COQ7: variants seen among roughly 807,000 people sequenced by gnomAD.
COQ7 encodes the protein coenzyme Q7, hydroxylase, also known as NADPH-dependent 3-demethoxyubiquinone 3-hydroxylase, mitochondrial.
A neutral mutation model predicts 25.0 loss-of-function variants in COQ7; 21 were observed. That is an observed-to-expected ratio of 0.84 (90% CI 0.60 to 1.21). The LOEUF (loss-of-function observed/expected upper bound fraction) is 1.21. COQ7 is among the 50% of genes most tolerant of loss of function. The probability of loss-of-function intolerance (pLI) is 0.00; values close to 1 mark genes in which losing one functional copy is unlikely to be tolerated. For missense variants in COQ7, 311 were observed against 296.2 expected (o/e 1.05, Z -0.37); for synonymous variants, 125 against 112.4 (o/e 1.11, Z -0.71).
intron 4 of COQ7, among the ~76,000 whole-genome samples, chr16:19,076,421 C>A (rs1252225693): frequency 1.3e-5 from 2 of 151,566 alleles, no homozygotes; most frequent in African/African-American, 4.8e-5. Context: ...GAGCCCTGTC[C>A]TGTTCACTTA....
chr16:19,067,940 A>T, intron 1 of COQ7: 1 of 1,452,420 alleles, frequency 6.9e-7, no homozygotes, highest in South Asian at 1.4e-5. Context: ...ACAGGAGGAC[A>T]GGGGTTGTTT....
chr16:19,080,815 TTTTGAC>T (rs1963084293), downstream of COQ7, among the ~76,000 whole-genome samples: 1 of 152,214 alleles, frequency 6.6e-6, no homozygotes, highest in Admixed American at 6.5e-5. Context: ...TCAATTGTGT[TTTTGAC>T]TGTGACTGTC....
Position 19,072,034 on chromosome 16 carries a change from A to G in COQ7, c.180A>G (p.Glu60=), listed in dbSNP as rs768663711. The G allele has an allele frequency of 6.2e-7, 1 of 1,614,242 alleles. No individual in the cohort carries two copies. Among genetic ancestry groups the G allele is most frequent in the East Asian group, 2.2e-5 (1 of 44,882 alleles). The change falls in exon 2 of 6, where the codon GAA becomes GAG. Residue 60 remains glutamate (E), a synonymous_variant. Coordinates refer to ENST00000321998, the MANE Select transcript of COQ7 (RefSeq NM_016138.5). ...TAATCCGGGTGGATCATGCAGGCGA[A>G]TATGGAGCAAACCGCATCTATGCCG... is the stretch of plus-strand genomic sequence containing the variant. ...DRIIRVDHAG[E]YGANRIYAGQ... is the part of the protein sequence containing the mutation.
chr16:19,071,820 T>TG (rs1278740192), intron 1 of COQ7, 108 bp from the exon 2 acceptor site: 9 of 1,229,226 alleles, frequency 7.3e-6, no homozygotes, highest in Non-Finnish European at 1.1e-5. Context: ...GCCTGGCCCA[T>TG]GGGGAACTGA....
At position 19,080,046 on chromosome 16, in the gene COQ7, T is replaced by C. The variant is rs1394112302; in HGVS notation, c.*1888T>C. ...TTAAATTCAAAAGGGTATTATTTGG[T>C]TTTTCTGTAAATTGAACCTTGAAAT... On this transcript the variant is annotated 3_prime_UTR_variant, in exon 6 of 6. Coordinates refer to ENST00000321998, the MANE Select transcript of COQ7 (RefSeq NM_016138.5). 6.6e-6 allele frequency: 1 copy of C among 152,210 alleles called. No individual in the cohort carries two copies. Among genetic ancestry groups the C allele is most frequent in the Non-Finnish European group, 1.5e-5 (1 of 68,038 alleles). 9.4% of individuals were successfully genotyped at this position (152,210 alleles called of 1,614,324 possible). A position where few individuals can be genotyped will look rare whatever the true frequency, so the allele number is the denominator to read the frequency against.
intron 3 of COQ7, among the ~76,000 whole-genome samples, chr16:19,074,518 C>G (rs1465725606): frequency 6.6e-6 from 1 of 151,728 alleles, no homozygotes; most frequent in African/African-American, 2.4e-5. Flanking sequence ...GAGCGACACT[C>G]TGTCTCAAAA....
chr16:19,068,378 G>A lies in COQ7; in HGVS notation c.73+641G>A, dbSNP rs892738441. 40 of 988,850 alleles carry A rather than the reference G, an allele frequency of 4.0e-5. No individual in the cohort carries two copies. In the African/African-American group the frequency reaches 6.8e-4, roughly 17 times the overall value. 61.3% of individuals were successfully genotyped at this position (988,850 alleles called of 1,614,324 possible). A position where few individuals can be genotyped will look rare whatever the true frequency, so the allele number is the denominator to read the frequency against. On this transcript the variant is annotated intron_variant, in intron 1 of 5. Transcript: ENST00000321998. The stretch of plus-strand genomic sequence containing the variant: ...TTAGAAAATTGTCATGAGCCCGGGC[G>A]CGGTGGCTCCGGCCTATAATCTCAG...
rs60523088 is a variant in COQ7 at position 19,077,590 on chromosome 16, C to CTTTTTTT, written c.576+224_576+230dup. Among the ~76,000 whole-genome samples, 127 of 74,402 alleles carry CTTTTTTT rather than the reference C, an allele frequency of 1.7e-3. 16 individuals carry two copies. Among genetic ancestry groups the CTTTTTTT allele is most frequent in the Admixed American group, 2.6e-3 (12 of 4,548 alleles). 48.8% of individuals were successfully genotyped at this position (74,402 alleles called of 152,430 possible). A position where few individuals can be genotyped will look rare whatever the true frequency, so the allele number is the denominator to read the frequency against. On this transcript the variant is annotated intron_variant, in intron 5 of 5. Transcript: ENST00000321998. ...TATGCCTTCTCCTTTTCCCCAGAAG[C>CTTTTTTT]TTTTTTTTTTTTTTCCCAGACACAG...
Position 19,074,032 on chromosome 16 carries a change from C to T in COQ7, c.364C>T (p.Leu122=), listed in dbSNP as rs765211822. The change falls in exon 3 of 6, where the codon CTG becomes TTG. Residue 122 remains leucine (L), a synonymous_variant. Coordinates refer to ENST00000321998, the MANE Select transcript of COQ7 (RefSeq NM_016138.5). ...MPLWNVLGFA[L]GAGTALLGKE... is the part of the protein sequence containing the mutation. ...CTTGTGGAACGTGCTGGGGTTTGCA[C>T]TGGGTACGTGTCTCTCTAGAAGAGC... is the stretch of plus-strand genomic sequence containing the variant. The T allele has an allele frequency of 3.1e-6, 5 of 1,610,666 alleles. No homozygotes were observed. The East Asian group carries it at 1.1e-4, about 36-fold the overall frequency.
chr16:19,067,731 C>A lies in COQ7; in HGVS notation c.67C>A (p.Leu23Ile), dbSNP rs1320862777. 3 of 1,603,810 alleles carry A rather than the reference C, an allele frequency of 1.9e-6. No homozygotes were observed. Among genetic ancestry groups the A allele is most frequent in the South Asian group, 2.2e-5 (2 of 90,878 alleles). The change falls in exon 1 of 6, where the codon CTC becomes ATC. Residue 23 changes from leucine (L) to isoleucine (I), a missense_variant. Coordinates refer to ENST00000321998, the MANE Select transcript of COQ7 (RefSeq NM_016138.5). The part of the protein sequence containing the change: ...WRLRPGARRS[L>I]SAYGRRTSVR... Reference sequence around the variant, plus strand: ...GCTGCGCCCGGGGGCCCGGCGGTCCCTCTCAGGTAAAAGGAGGCGCGCAGT... The same window carrying A: ...GCTGCGCCCGGGGGCCCGGCGGTCCATCTCAGGTAAAAGGAGGCGCGCAGT...
chr16:19,077,119 C>T (rs950324913), intron 4 of COQ7, among the ~76,000 whole-genome samples, 187 bp from the exon 5 acceptor site: 8 of 152,188 alleles, frequency 5.3e-5, no homozygotes, highest in African/African-American at 1.4e-4. Context: ...TGCATGTCTC[C>T]GGCTGCTTTT....
rs764865430 is a variant in COQ7, at chr16:19,068,964, A to C, written c.73+1227A>C. 584 of 419,450 alleles carry C rather than the reference A, an allele frequency of 1.4e-3. 14 individuals carry two copies. Among genetic ancestry groups the C allele is most frequent in the Middle Eastern group, 3.0e-3 (5 of 1,666 alleles). The allele number at this position is 419,450 out of a possible 1,614,324, so 26.0% of individuals were successfully genotyped here. The stretch of plus-strand genomic sequence containing the variant: ...GTCTTTCTGTTACAAAGGGGAAATT[A>C]GCAAGTGTTGGGAAAGTGTTAAGGC... On this transcript the variant is annotated intron_variant, in intron 1 of 5. Coordinates refer to ENST00000321998, the MANE Select transcript of COQ7 (RefSeq NM_016138.5).
In COQ7 at chr16:19,075,442, C is replaced by CGCCT. The variant is rs56155740; in HGVS notation, c.368-278_368-275dup. On this transcript the variant is annotated intron_variant, in intron 3 of 5. Transcript: ENST00000321998. ...CTCGAACTCCTGACCTCAGGTGATC[C>CGCCT]GCCTCGGCCTCCCAAAGTGCTGGGA... 0.9 allele frequency among the ~76,000 whole-genome samples: 136,139 copies of CGCCT among 151,824 alleles called. 61,997 individuals carry two copies. The highest frequency in any genetic ancestry group is 0.97 in the Non-Finnish European group (66,112 of 67,974).
intron 1 of COQ7, 95 bp from the exon 2 acceptor site, chr16:19,071,833 T>G: frequency 7.0e-7 from 1 of 1,423,256 alleles, no homozygotes; most frequent in Non-Finnish European, 9.8e-7. Flanking sequence ...GGAACTGATT[T>G]GTGACCTCCA....
intron 1 of COQ7, chr16:19,068,009 G>A (rs897727075): frequency 1.4e-5 from 18 of 1,325,684 alleles, no homozygotes; most frequent in Admixed American, 3.8e-5. Context: ...GTCACGGCAG[G>A]TGCGGCCAGC....
At chr16:19,075,038 T>C (rs1305495146) in intron 3 of COQ7, among the ~76,000 whole-genome samples, 1 of 152,118 alleles carries the variant, frequency 6.6e-6, no homozygotes, top group Non-Finnish European at 1.5e-5. Context: ...TGCTGACTTC[T>C]CTTGGCCACG....
At chr16:19,070,684 G>A (rs546357212) in intron 1 of COQ7, among the ~76,000 whole-genome samples, 142 of 152,094 alleles carry the variant, frequency 9.3e-4, no homozygotes, top group Non-Finnish European at 1.8e-3. Context: ...CTGAAAGGTG[G>A]AGTTTGCGGT....
At chr16:19,069,772 C>T (rs567793049) in intron 1 of COQ7, among the ~76,000 whole-genome samples, 2 of 151,736 alleles carry the variant, frequency 1.3e-5, no homozygotes. Context: ...AGATGGGACA[C>T]ATGTTTTATG....
At chr16:19,068,388 C>T (rs1962355287) in intron 1 of COQ7, 1 of 988,910 alleles carries the variant, frequency 1.0e-6, no homozygotes. Context: ...GCGGTGGCTC[C>T]GGCCTATAAT....
Sources: allele counts gnomAD v4.1 joint callset (sites outside exome capture counted in the v4.1 genomes callset), GRCh38; gene constraint gnomAD v4.1.1; transcripts MANE v1.5; gene names NCBI Gene and HGNC (gene_info 2026-07-23, HGNC 2026-07-21).